SLC23A1: variants seen among roughly 807,000 people sequenced by gnomAD.
SLC23A1 encodes solute carrier family 23 member 1, also known as Na(+)/L-ascorbic acid transporter 1.
Under a neutral mutation model 62.5 loss-of-function variants are expected in SLC23A1, and 31 were observed. The observed-to-expected ratio is 0.50, with a 90% CI of 0.37 to 0.67. The LOEUF is 0.67. Among genes scored for constraint, SLC23A1 ranks in the 30% least tolerant of loss-of-function variants. SLC23A1 has a pLI of 0.00. For missense variants in SLC23A1, 640 were observed against 782.7 expected (o/e 0.82, Z 2.18); for synonymous variants, 271 against 313.2 (o/e 0.87, Z 1.42).
intron 14 of SLC23A1, among the ~76,000 whole-genome samples, chr5:139,371,371 T>C (rs1159136242): frequency 6.6e-6 from 1 of 152,224 alleles, no homozygotes; most frequent in Non-Finnish European, 1.5e-5. Flanking sequence ...CTTCAGTGTT[T>C]AGTAGAGAGC....
intron 14 of SLC23A1, among the ~76,000 whole-genome samples, chr5:139,370,646 C>T (rs1286464113): frequency 6.6e-6 from 1 of 151,954 alleles, no homozygotes; most frequent in Non-Finnish European, 1.5e-5. Context: ...CGCCTACCAC[C>T]ACGCCTGGCT....
chr5:139,367,769 T>C (rs180818469), intron 14 of SLC23A1, 138 bp from the exon 15 acceptor site: 6 of 152,344 alleles, frequency 3.9e-5, no homozygotes, highest in African/African-American at 1.4e-4. Context: ...TGGTATTTAG[T>C]GTTTAAAGAA....
chr5:139,379,610 G>A lies in SLC23A1; in HGVS notation c.925+68C>T, dbSNP rs1333292038. ...CTAGGTGTGTCACCTGCTGGATTGG[G>A]GTCACCAGGAGTCTGTCTCATAGGT... is the stretch of plus-strand genomic sequence containing the variant. On this transcript the variant is annotated intron_variant, in intron 8 of 14. Coordinates refer to ENST00000348729, the MANE Select transcript of SLC23A1 (RefSeq NM_005847.5). The surrounding 1 kb of genome is among the most constrained non-coding windows in gnomAD (Gnocchi z 4.7). 5.6e-6 allele frequency: 8 copies of A among 1,439,562 alleles called. No individual in the cohort carries two copies. Among genetic ancestry groups the A allele is most frequent in the Non-Finnish European group, 6.7e-6 (7 of 1,040,506 alleles). 89.2% of individuals were successfully genotyped at this position (1,439,562 alleles called of 1,614,324 possible). A position where few individuals can be genotyped will look rare whatever the true frequency, so the allele number is the denominator to read the frequency against.
chr5:139,384,636 C>A, upstream of SLC23A1: 1 of 1,230,160 alleles, frequency 8.1e-7, no homozygotes, highest in Non-Finnish European at 1.0e-6. Context: ...CCAAGCCCGA[C>A]CCCCTGCAGA....
chr5:139,382,275 C>G (rs911803175), intron 2 of SLC23A1: 1 of 603,404 alleles, frequency 1.7e-6, no homozygotes, highest in Admixed American at 2.9e-5. Context: ...GGCTCTGCTC[C>G]CTGTCACCAA....
intron 2 of SLC23A1, 114 bp downstream of exon 2, chr5:139,382,378 T>C (rs1254596295): frequency 1.7e-5 from 11 of 640,882 alleles, no homozygotes; most frequent in Non-Finnish European, 3.1e-5. Flanking sequence ...ACAGCCACTG[T>C]GCTGACCTCA....
chr5:139,375,001 T>A (rs1485514891), intron 13 of SLC23A1, among the ~76,000 whole-genome samples: 2 of 152,166 alleles, frequency 1.3e-5, no homozygotes, highest in Non-Finnish European at 2.9e-5. Context: ...AAGAGCACCT[T>A]CCTTTGATTC....
intron 4 of SLC23A1, 36 bp from the exon 5 acceptor site, chr5:139,380,668 G>A: frequency 6.4e-7 from 1 of 1,555,814 alleles, no homozygotes. Flanking sequence ...CACGGACCAG[G>A]TACAGAGACA....
chr5:139,385,533 G>T (rs1411443749), upstream of SLC23A1, among the ~76,000 whole-genome samples: 1 of 152,210 alleles, frequency 6.6e-6, no homozygotes, highest in Non-Finnish European at 1.5e-5. Flanking sequence ...TGGAATAGGT[G>T]TGCCACAAGG....
At chr5:139,384,211 C>T (rs561038255), upstream of SLC23A1, 2 of 606,538 alleles carry the variant, frequency 3.3e-6, no homozygotes, top group East Asian at 7.4e-5. Context: ...CCCAGCCCAG[C>T]CTGGCCCTAG....
intron 14 of SLC23A1, chr5:139,368,648 A>C: frequency 1.2e-6 from 1 of 852,502 alleles, no homozygotes; most frequent in East Asian, 2.5e-5. Context: ...TTTTTTTTGG[A>C]AGATGTTTTT....
intron 13 of SLC23A1, among the ~76,000 whole-genome samples, chr5:139,373,282 A>T (rs915608724): frequency 6.6e-6 from 1 of 151,926 alleles, no homozygotes; most frequent in African/African-American, 2.4e-5. Flanking sequence ...GATGCAAGCG[A>T]TTCTCCTGCC....
At chr5:139,383,417 A>T, upstream of SLC23A1, 1 of 1,402,964 alleles carries the variant, frequency 7.1e-7, no homozygotes. Flanking sequence ...GAGGTAATGT[A>T]TTAACTCTCA....
At chr5:139,370,173 G>GGTTT (rs1477899260) in intron 14 of SLC23A1, among the ~76,000 whole-genome samples, 1 of 152,092 alleles carries the variant, frequency 6.6e-6, no homozygotes, top group Admixed American at 6.6e-5. Context: ...GTGGTTGGTT[G>GGTTT]GTTGGTTGGT....
intron 14 of SLC23A1, 81 bp from the exon 15 acceptor site, chr5:139,367,712 C>T (rs1757350593): frequency 1.3e-5 from 2 of 152,118 alleles, no homozygotes; most frequent in Non-Finnish European, 2.9e-5. Context: ...TCAGCAATTC[C>T]CCAGTTACTT....
Position 139,379,669 on chromosome 5 carries a change from G to A in SLC23A1, c.925+9C>T. 1 of 1,606,762 alleles carries A rather than the reference G, an allele frequency of 6.2e-7. No individual in the cohort carries two copies. Among genetic ancestry groups the A allele is most frequent in the Non-Finnish European group, 8.5e-7 (1 of 1,175,886 alleles). On this transcript the variant is annotated intron_variant, in intron 8 of 14. Coordinates refer to ENST00000348729, the MANE Select transcript of SLC23A1 (RefSeq NM_005847.5). The surrounding 1 kb of genome is among the most constrained non-coding windows in gnomAD (Gnocchi z 4.7). Reference sequence around the variant, plus strand: ...TTGGGGGCAGAGGGGCCCAAGGGGTGTTGCTCACAGGGGTAGGGGATGCGG... The same window carrying A: ...TTGGGGGCAGAGGGGCCCAAGGGGTATTGCTCACAGGGGTAGGGGATGCGG...
At position 139,367,512 on chromosome 5, in the gene SLC23A1, C is replaced by A. The variant is rs557642206; in HGVS notation, c.*139G>T. ...TTTAACTGATGCAAAAATTTGAATC[C>A]CAGAGAAAGGTGACTTATCTGAGTT... On this transcript the variant is annotated 3_prime_UTR_variant, in exon 15 of 15. Transcript: ENST00000348729. The A allele has an allele frequency of 6.6e-6, 1 of 151,948 alleles. No individual in the cohort carries two copies. The highest frequency in any genetic ancestry group is 2.4e-5 in the African/African-American group (1 of 41,426). The allele number at this position is 151,948 out of a possible 1,614,324, so 9.4% of individuals were successfully genotyped here.
chr5:139,383,226 G>T lies in SLC23A1; in HGVS notation c.28C>A (p.Arg10=). 1 of 1,499,196 alleles carries T rather than the reference G, an allele frequency of 6.7e-7. No homozygotes were observed. The highest frequency in any genetic ancestry group is 8.9e-7 in the Non-Finnish European group (1 of 1,118,820). 92.9% of individuals were successfully genotyped at this position (1,499,196 alleles called of 1,614,324 possible). The stretch of plus-strand genomic sequence containing the variant: ...CCCCCAGCCCCCAGCACCTGTGTCC[G>T]GCCCTCGAGGTCCTCCTGGGCCCTC... The part of the protein sequence containing the change: MRAQEDLEG[R]TQHETTRDPS... Residue 10 remains arginine (R), a synonymous_variant, in exon 1 of 15, where the codon CGG becomes AGG. Coordinates refer to ENST00000348729, the MANE Select transcript of SLC23A1 (RefSeq NM_005847.5).
chr5:139,373,081 CATTTT>C (rs1197869184), intron 13 of SLC23A1, among the ~76,000 whole-genome samples: 2 of 152,106 alleles, frequency 1.3e-5, no homozygotes, highest in Non-Finnish European at 2.9e-5. Flanking sequence ...GTGAAAAACT[CATTTT>C]TATAATACAA....
Sources: gnomAD v4.1 joint callset for allele counts (sites outside exome capture counted in the v4.1 genomes callset) on GRCh38, gnomAD v4.1.1 for gene constraint, Gnocchi (gnomAD v3.1) non-coding constraint, MANE v1.5 for transcripts, NCBI Gene and HGNC (gene_info 2026-07-23, HGNC 2026-07-21) for gene names.